The following GRM7 variants were observed in gnomAD, a reference collection of about 807,000 sequenced individuals.
The protein encoded by GRM7 is glutamate metabotropic receptor 7, also known as metabotropic glutamate receptor 7.
In GRM7, 35 loss-of-function variants were observed where a neutral mutation model predicts 84.5. The ratio of observed to expected loss-of-function variants is 0.41; its 90% CI spans 0.32 to 0.55. GRM7 has a LOEUF of 0.55. Ranked by LOEUF, GRM7 falls within the 20% of genes least tolerant of loss-of-function variation. The pLI, the probability that GRM7 is intolerant of heterozygous loss-of-function variation, is 0.19. For synonymous variants in GRM7, 487 were observed against 455.1 expected, an observed-to-expected ratio of 1.07 and a Z score of -0.89; for missense variants, 1,003 against 1,194.6, an observed-to-expected ratio of 0.84 and a Z score of 2.36.
rs77586241 is a variant in GRM7 at position 7,140,842 on chromosome 3, C to A, written c.520-5610C>A. The stretch of plus-strand genomic sequence containing the variant: ...CACAGAGACTGTGTAAGGGTCCCCA[C>A]GGTATTTTTGAAGCAAGTCATAAAC... On this transcript the variant is annotated intron_variant, in intron 1 of 9. Transcript: ENST00000357716. Among the ~76,000 whole-genome samples, 285 of 151,926 alleles carry A rather than the reference C, an allele frequency of 1.9e-3. 4 individuals are homozygous for A. In the East Asian group the frequency reaches 0.027, roughly 15 times the overall value.
chr3:6,927,066 A>G (rs1272366269), intron 1 of GRM7, among the ~76,000 whole-genome samples: 1 of 152,204 alleles, frequency 6.6e-6, no homozygotes, highest in Non-Finnish European at 1.5e-5. Flanking sequence ...CATAGGTAAA[A>G]CATAGAATTG....
chr3:7,446,464 G>GTTTTTTTTTTTTTTTTTT (rs370257829), intron 5 of GRM7, among the ~76,000 whole-genome samples: 2 of 130,576 alleles, frequency 1.5e-5, no homozygotes, highest in Admixed American at 7.8e-5. Context: ...TTTTTTTTTT[G>GTTTTTTTTTTTTTTTTTT]TTTTTTTTTT....
intron 1 of GRM7, among the ~76,000 whole-genome samples, chr3:6,900,627 G>C (rs11707659): frequency 0.058 from 8,773 of 152,226 alleles, 356 homozygotes; most frequent in East Asian, 0.2. Context: ...TATACAGAAA[G>C]AGAAGTCTAC....
chr3:7,559,627 A>C (rs1693923657), intron 7 of GRM7, among the ~76,000 whole-genome samples: 1 of 151,872 alleles, frequency 6.6e-6, no homozygotes, highest in South Asian at 2.1e-4. Flanking sequence ...GCCATCAATC[A>C]CTCTACAGTA....
intron 1 of GRM7, among the ~76,000 whole-genome samples, chr3:6,959,782 T>C (rs932839853): frequency 6.6e-6 from 1 of 152,218 alleles, no homozygotes; most frequent in African/African-American, 2.4e-5. Flanking sequence ...CCCATAATCA[T>C]GCAGACTCTA....
intron 4 of GRM7, among the ~76,000 whole-genome samples, chr3:7,401,823 T>C (rs1695464706): frequency 6.6e-6 from 1 of 152,156 alleles, no homozygotes; most frequent in Non-Finnish European, 1.5e-5. Flanking sequence ...ACAGGATCCA[T>C]ATCTGACTTA....
chr3:7,228,341 C>A (rs1004923923), intron 2 of GRM7, among the ~76,000 whole-genome samples: 1 of 149,848 alleles, frequency 6.7e-6, no homozygotes, highest in African/African-American at 2.4e-5. Context: ...AAATAGATAT[C>A]GATTCTCTCA....
At chr3:7,525,562 A>G (rs1559379956) in intron 7 of GRM7, among the ~76,000 whole-genome samples, 1 of 152,094 alleles carries the variant, frequency 6.6e-6, no homozygotes, top group Admixed American at 6.6e-5. Context: ...GTGTGTATGT[A>G]TGAATGAATT....
chr3:7,248,003 C>T (rs76805235), intron 2 of GRM7, among the ~76,000 whole-genome samples: 61 of 152,242 alleles, frequency 4.0e-4, no homozygotes, highest in African/African-American at 1.4e-3. Context: ...CAGATCAGAA[C>T]TCTTACACTT....
intron 1 of GRM7, among the ~76,000 whole-genome samples, chr3:6,884,947 C>T (rs1314971004): frequency 6.6e-6 from 1 of 152,186 alleles, no homozygotes; most frequent in East Asian, 1.9e-4. Context: ...CCTTTAAGGA[C>T]TGCAGAATGA....
At chr3:7,074,461 A>C (rs1029634960) in intron 1 of GRM7, among the ~76,000 whole-genome samples, 1 of 152,198 alleles carries the variant, frequency 6.6e-6, no homozygotes, top group Non-Finnish European at 1.5e-5. Flanking sequence ...AGTGTGGTCC[A>C]TGAATTTCTT....
In GRM7 at chr3:7,365,673, GCACA is replaced by G. The variant is rs150757188; in HGVS notation, c.1034-49339_1034-49336del. Among the ~76,000 whole-genome samples, 905 of 112,250 alleles carry G rather than the reference GCACA, an allele frequency of 8.1e-3. 7 individuals carry two copies. The highest frequency in any genetic ancestry group is 0.03 in the African/African-American group (853 of 28,536). 73.6% of individuals were successfully genotyped at this position (112,250 alleles called of 152,430 possible). ...TATATATATATATATATACACACAC[GCACA>G]CACACACACATATATATACACATAT... On this transcript the variant is annotated intron_variant, in intron 4 of 9. Coordinates refer to ENST00000357716, the MANE Select transcript of GRM7 (RefSeq NM_000844.4).
intron 2 of GRM7, among the ~76,000 whole-genome samples, chr3:7,150,181 A>G (rs1367969560): frequency 1.3e-5 from 2 of 152,066 alleles, no homozygotes; most frequent in African/African-American, 4.8e-5. Context: ...ATTTACTTCC[A>G]TTGTTTCTGA....
intron 1 of GRM7, among the ~76,000 whole-genome samples, chr3:6,891,115 C>T (rs1047473572): frequency 2.6e-5 from 4 of 152,084 alleles, no homozygotes; most frequent in Non-Finnish European, 4.4e-5. Flanking sequence ...TTATTTTGAG[C>T]CTATATGTGT....
At chr3:7,081,189 G>GT (rs1698265138) in intron 1 of GRM7, among the ~76,000 whole-genome samples, 1 of 152,052 alleles carries the variant, frequency 6.6e-6, no homozygotes, top group African/African-American at 2.4e-5. Flanking sequence ...TTCAGATACT[G>GT]TTTTTTATAA....
chr3:7,023,576 C>T (rs1695860655), intron 1 of GRM7, among the ~76,000 whole-genome samples: 2 of 152,110 alleles, frequency 1.3e-5, no homozygotes, highest in African/African-American at 2.4e-5. Flanking sequence ...AGTTTATTTC[C>T]TTACAGGTCT....
chr3:7,302,061 G>T (rs1368114568), intron 3 of GRM7, among the ~76,000 whole-genome samples: 1 of 151,890 alleles, frequency 6.6e-6, no homozygotes, highest in African/African-American at 2.4e-5. Flanking sequence ...CATGCTCATT[G>T]TAAATCCACT....
At chr3:7,102,803 C>T (rs1406325386) in intron 1 of GRM7, among the ~76,000 whole-genome samples, 1 of 151,374 alleles carries the variant, frequency 6.6e-6, no homozygotes, top group Non-Finnish European at 1.5e-5. Context: ...GTTCAATGGC[C>T]CTTTCTTTGG....
chr3:7,358,759 C>T, intron 4 of GRM7, among the ~76,000 whole-genome samples: 2 of 124,882 alleles, frequency 1.6e-5, no homozygotes, highest in South Asian at 4.5e-4. Context: ...GGTGACTGCC[C>T]CTTTTCATAA....
Sources: allele counts gnomAD v4.1 joint callset (sites outside exome capture counted in the v4.1 genomes callset), GRCh38; gene constraint gnomAD v4.1.1; transcripts MANE v1.5; gene names NCBI Gene and HGNC (gene_info 2026-07-23, HGNC 2026-07-21).